The following SPTBN2 variants were observed in gnomAD, a reference collection of about 807,000 sequenced individuals.
SPTBN2 encodes the protein spectrin beta chain, non-erythrocytic 2.
Under a neutral mutation model 284.2 loss-of-function variants are expected in SPTBN2, and 107 were observed. The ratio of observed to expected loss-of-function variants is 0.38; its 90% CI spans 0.32 to 0.44. The LOEUF is 0.44. Ranked by LOEUF, SPTBN2 falls within the 20% of genes least tolerant of loss-of-function variation. The pLI, the probability that SPTBN2 is intolerant of heterozygous loss-of-function variation, is 1.00. For missense variants in SPTBN2, 2,569 were observed against 3,287.1 expected, an observed-to-expected ratio of 0.78 and a Z score of 5.34; for synonymous variants, 1,289 against 1,354.8, an observed-to-expected ratio of 0.95 and a Z score of 1.07.
chr11:66,731,176 T>C (rs1182769338), upstream of SPTBN2, among the ~76,000 whole-genome samples: 2 of 152,232 alleles, frequency 1.3e-5, no homozygotes, highest in Admixed American at 6.5e-5. Flanking sequence ...TCAGCCGTTA[T>C]GATTTTACCG....
intron 1 of SPTBN2, among the ~76,000 whole-genome samples, chr11:66,727,579 G>A (rs1033350050): frequency 2.2e-4 from 34 of 152,318 alleles, no homozygotes; most frequent in African/African-American, 7.5e-4. Flanking sequence ...CGCCGCACGC[G>A]GCCGCTTCCC....
In SPTBN2 at chr11:66,685,065, C is replaced by T. The variant is rs1372466885; in HGVS notation, c.*806G>A. On this transcript the variant is annotated 3_prime_UTR_variant, in exon 38 of 38. Coordinates refer to ENST00000533211, the MANE Select transcript of SPTBN2 (RefSeq NM_006946.4). This position sits in a 1 kb window ranked among gnomAD's most constrained non-coding sequence, Gnocchi z 4.4. ...AAAAGAGGCTTGGCATTGGTCAACC[C>T]AGCACACTGGAGGTCACTGTCAGAG... is the stretch of plus-strand genomic sequence containing the variant. 6.6e-6 allele frequency among the ~76,000 whole-genome samples: 1 copy of T among 152,156 alleles called. No individual in the cohort carries two copies. The highest frequency in any genetic ancestry group is 2.4e-5 in the African/African-American group (1 of 41,426).
At position 66,693,812 on chromosome 11, in the gene SPTBN2, T is replaced by C; in HGVS notation, c.4553A>G (p.Lys1518Arg). 1 of 1,613,952 alleles carries C rather than the reference T, an allele frequency of 6.2e-7. No individual in the cohort carries two copies. The highest frequency in any genetic ancestry group is 1.3e-5 in the African/African-American group (1 of 75,062). Residue 1518 changes from lysine to arginine, a missense_variant, in exon 23 of 38, where the codon AAG (lysine) becomes AGG (arginine). Lys to Arg is a conservative substitution (Grantham distance 26). Coordinates refer to ENST00000533211, the MANE Select transcript of SPTBN2 (RefSeq NM_006946.4). The surrounding 1 kb of genome is among the most constrained non-coding windows in gnomAD (Gnocchi z 5.7). ...GAGAAGCTGGACGCTGGGCAGGTCC[T>C]TGCCATGCTCCATGGAGCTGGCCAT... Reference protein sequence around the residue: ...LPMASSMEHGKDLPSVQLLMK... With the variant: ...LPMASSMEHGRDLPSVQLLMK...
Position 66,685,832 on chromosome 11 carries a change from G to A in SPTBN2, c.*39C>T. On this transcript the variant is annotated 3_prime_UTR_variant, in exon 38 of 38. Coordinates refer to ENST00000533211, the MANE Select transcript of SPTBN2 (RefSeq NM_006946.4). The surrounding 1 kb of genome is among the most constrained non-coding windows in gnomAD (Gnocchi z 4.4). ...TGTCGACTGTCCCTGGCAGTTTCCT[G>A]AACGGAGGGAGGGAGTTGGCCTGGG... is the stretch of plus-strand genomic sequence containing the variant. 3.1e-6 allele frequency: 5 copies of A among 1,596,656 alleles called. No homozygotes were observed. Among genetic ancestry groups the A allele is most frequent in the Non-Finnish European group, 4.3e-6 (5 of 1,165,504 alleles).
At chr11:66,744,182 A>G (rs1942932631) in intron 1 of SPTBN2, among the ~76,000 whole-genome samples, 1 of 152,172 alleles carries the variant, frequency 6.6e-6, no homozygotes. Flanking sequence ...TTTTAATTTC[A>G]GATTAGTAAT....
Position 66,693,232 on chromosome 11 carries a change from C to G in SPTBN2, c.4808G>C (p.Trp1603Ser). ...CATGTGTAATTCCTGCTCGCCCATC[C>G]AGGCCTCCGCCTCGGCGGCATCGCG... The part of the protein sequence containing the change: ...FYRDAAEAEA[W>S]MGEQELHMMG... Residue 1603 changes from tryptophan (W) to serine (S), a missense_variant, in exon 24 of 38, where the codon TGG (tryptophan) becomes TCG (serine). Coordinates refer to ENST00000533211, the MANE Select transcript of SPTBN2 (RefSeq NM_006946.4). This position sits in a 1 kb window ranked among gnomAD's most constrained non-coding sequence, Gnocchi z 5.7. 1 of 1,614,244 alleles carries G rather than the reference C, an allele frequency of 6.2e-7. No individual in the cohort carries two copies. Among genetic ancestry groups the G allele is most frequent in the African/African-American group, 1.3e-5 (1 of 75,070 alleles).
In SPTBN2 at chr11:66,687,076, C is replaced by T. The variant is rs1415220797; in HGVS notation, c.6814G>A (p.Gly2272Arg). 6 of 1,614,046 alleles carry T rather than the reference C, an allele frequency of 3.7e-6. No individual in the cohort carries two copies. The highest frequency in any genetic ancestry group is 4.5e-5 in the East Asian group (2 of 44,888). ...KAASAGVPYH[G>R]EVPVSLARAQ... is the part of the protein sequence containing the mutation. ...CTGGCCAGGCTGACAGGCACTTCTC[C>T]GTGGTATGGCACTCCCGCGCTGGCT... Residue 2272 changes from glycine (G) to arginine (R), a missense_variant, in exon 36 of 38, where the codon GGA becomes AGA. Physicochemically the swap from Gly to Arg is moderately radical, Grantham distance 125. This residue lies in a region of SPTBN2 where 1,130 missense variants were observed against 1,317.3 expected (regional missense o/e 0.86). Coordinates refer to ENST00000533211, the MANE Select transcript of SPTBN2 (RefSeq NM_006946.4). The surrounding 1 kb of genome is among the most constrained non-coding windows in gnomAD (Gnocchi z 5.2).
At chr11:66,738,230 A>C (rs977652497) in intron 1 of SPTBN2, among the ~76,000 whole-genome samples, 12 of 151,716 alleles carry the variant, frequency 7.9e-5, no homozygotes, top group East Asian at 1.9e-4. Context: ...AAACAAACAA[A>C]CAAAAAAAAG....
At position 66,715,443 on chromosome 11, in the gene SPTBN2, T is replaced by C; in HGVS notation, c.310-48A>G. The C allele has an allele frequency of 6.3e-7, 1 of 1,576,826 alleles. No homozygotes were observed. Among genetic ancestry groups the C allele is most frequent in the Non-Finnish European group, 8.6e-7 (1 of 1,158,504 alleles). ...TGGCACGGGACTGTGGGCTTCCACC[T>C]TCTTCCCCAGCCTTCACAGGGCCCA... On this transcript the variant is annotated intron_variant, in intron 4 of 37. Coordinates refer to ENST00000533211, the MANE Select transcript of SPTBN2 (RefSeq NM_006946.4). This position sits in a 1 kb window ranked among gnomAD's most constrained non-coding sequence, Gnocchi z 5.3.
chr11:66,744,308 C>T (rs898131753), intron 1 of SPTBN2: 1 of 152,736 alleles, frequency 6.5e-6, no homozygotes, highest in African/African-American at 2.4e-5. Flanking sequence ...AGTCTGGGAC[C>T]CAGGGCTTGG....
Position 66,688,661 on chromosome 11 carries a change from G to A in SPTBN2, c.6223C>T (p.Leu2075Phe). 1 of 1,613,936 alleles carries A rather than the reference G, an allele frequency of 6.2e-7. No homozygotes were observed. Among genetic ancestry groups the A allele is most frequent in the Non-Finnish European group, 8.5e-7 (1 of 1,180,026 alleles). ...WEERFCALEK[L>F]TALEEREKER... Reference sequence around the variant, plus strand: ...GGTCCTGTGTCCCTCACCGCAGTAAGCTTCTCCAGCGCACAGAATCGCTCC... The same window carrying A: ...GGTCCTGTGTCCCTCACCGCAGTAAACTTCTCCAGCGCACAGAATCGCTCC... The change falls in exon 31 of 38, where the codon CTT (leucine) becomes TTT (phenylalanine). Residue 2075 changes from leucine to phenylalanine, a missense_variant. Leu to Phe is a conservative substitution (Grantham distance 22, BLOSUM62 0). Around this residue, in one of 6 missense-constraint regions of SPTBN2, gnomAD observed 1,130 missense variants for 1,317.3 expected, o/e 0.86. Coordinates refer to ENST00000533211, the MANE Select transcript of SPTBN2 (RefSeq NM_006946.4).
intron 3 of SPTBN2, 23 bp from the exon 4 acceptor site, chr11:66,716,004 T>G: frequency 6.2e-7 from 1 of 1,613,486 alleles, no homozygotes; most frequent in Non-Finnish European, 8.5e-7. Context: ...CATGGGTTTA[T>G]TTCTGTCCCT....
intron 1 of SPTBN2, among the ~76,000 whole-genome samples, chr11:66,743,054 A>G (rs1462421741): frequency 6.8e-6 from 1 of 146,270 alleles, no homozygotes. Context: ...ACAAGCAGTC[A>G]TTCAATGTTA....
chr11:66,722,136 G>C lies in SPTBN2; in HGVS notation c.-113-696C>G, dbSNP rs1004092912. On this transcript the variant is annotated intron_variant, in intron 1 of 37. Coordinates refer to ENST00000533211, the MANE Select transcript of SPTBN2 (RefSeq NM_006946.4). ...GCTTCTCTCCGCTTTGTTTCCTTTG[G>C]TTTGCCACAGAGAATGTTAGTAAGT... Among the ~76,000 whole-genome samples the C allele has an allele frequency of 3.1e-4, 47 of 152,260 alleles. 1 individual carries two copies. The highest frequency in any genetic ancestry group is 4.6e-4 in the Non-Finnish European group (31 of 68,012).
At chr11:66,690,415 G>T (rs1940463720) in intron 27 of SPTBN2, 132 bp from the exon 28 acceptor site, 1 of 1,289,814 alleles carries the variant, frequency 7.8e-7, no homozygotes, top group Admixed American at 2.8e-5. Context: ...GCCAGGGAGT[G>T]GGGGTGCTGG....
intron 36 of SPTBN2, 49 bp downstream of exon 36, chr11:66,686,945 T>C (rs1292721250): frequency 6.2e-7 from 1 of 1,611,002 alleles, no homozygotes; most frequent in East Asian, 2.2e-5. Context: ...CTCACCTGTG[T>C]CACTCCCAAC....
chr11:66,729,802 T>C (rs1438008696), upstream of SPTBN2, among the ~76,000 whole-genome samples: 2 of 152,000 alleles, frequency 1.3e-5, no homozygotes, highest in Non-Finnish European at 2.9e-5. Context: ...TGAGGCTATT[T>C]ATTATTATTA....
In SPTBN2 at chr11:66,689,080, C is replaced by T. The variant is rs1274197285; in HGVS notation, c.6034+16G>A. On this transcript the variant is annotated intron_variant, in intron 30 of 37. Transcript: ENST00000533211. ...CCCCACTCCCCACAGGGCCTGGGGC[C>T]CCCTTGGCAGCTCACCCAGCTGAAG... 4.4e-6 allele frequency: 7 copies of T among 1,600,194 alleles called. No homozygotes were observed. In the South Asian group the frequency reaches 4.5e-5, roughly 10 times the overall value.
chr11:66,734,153 T>C (rs34419890), upstream of SPTBN2, among the ~76,000 whole-genome samples: 6,294 of 152,290 alleles, frequency 0.041, 173 homozygotes, highest in Non-Finnish European at 0.066. Context: ...CCTTCAACCC[T>C]TGTGGTCCTT....
Sources: allele counts gnomAD v4.1 joint callset (sites outside exome capture counted in the v4.1 genomes callset), GRCh38; gene constraint gnomAD v4.1.1; regional missense constraint gnomAD v4.1.1; non-coding constraint Gnocchi (gnomAD v3.1); transcripts MANE v1.5; gene names NCBI Gene and HGNC (gene_info 2026-07-23, HGNC 2026-07-21).